PPP2R5A: variants seen among roughly 807,000 people sequenced by gnomAD.
PPP2R5A encodes protein phosphatase 2 regulatory subunit B'alpha, also known as serine/threonine-protein phosphatase 2A 56 kDa regulatory subunit alpha isoform.
Under a neutral mutation model 64.2 loss-of-function variants are expected in PPP2R5A, and 25 were observed. The ratio of observed to expected loss-of-function variants is 0.39; its 90% CI spans 0.28 to 0.54. The LOEUF (loss-of-function observed/expected upper bound fraction) is 0.54, where lower values mean the gene tolerates loss of function less well. Among genes scored for constraint, PPP2R5A ranks in the 20% least tolerant of loss-of-function variants. The pLI is 0.67. For missense variants in PPP2R5A, 425 were observed against 576.3 expected, an observed-to-expected ratio of 0.74 and a Z score of 2.69; for synonymous variants, 198 against 201.2, an observed-to-expected ratio of 0.98 and a Z score of 0.13.
In PPP2R5A at chr1:212,345,719, C is replaced by T. The variant is rs913082358; in HGVS notation, c.574-84C>T. 1.6e-5 allele frequency: 23 copies of T among 1,440,652 alleles called. No individual in the cohort carries two copies. The African/African-American group carries it at 3.4e-4, about 21-fold the overall frequency. 89.2% of individuals were successfully genotyped at this position (1,440,652 alleles called of 1,614,324 possible). ...ACTCTAAAAAATTTTTAAAAGATGTCATGGATAATCTTTAAGATCAAAATT... is the reference window on the plus strand; with the variant it reads ...ACTCTAAAAAATTTTTAAAAGATGTTATGGATAATCTTTAAGATCAAAATT... On this transcript the variant is annotated intron_variant, in intron 4 of 12. Transcript: ENST00000261461.
At position 212,286,058 on chromosome 1, in the gene PPP2R5A, T is replaced by G; in HGVS notation, c.-53T>G. 1.4e-6 allele frequency: 2 copies of G among 1,467,438 alleles called. No individual in the cohort carries two copies. Among genetic ancestry groups the G allele is most frequent in the Non-Finnish European group, 1.8e-6 (2 of 1,112,880 alleles). 90.9% of individuals were successfully genotyped at this position (1,467,438 alleles called of 1,614,324 possible). On this transcript the variant is annotated 5_prime_UTR_variant, in exon 1 of 13. Coordinates refer to ENST00000261461, the MANE Select transcript of PPP2R5A (RefSeq NM_006243.4). ...CGCCTCCTCCTGCCGTCTCCGCCGC[T>G]GCCCGTGCCTTGCAAGCAGCAGCCG...
intron 1 of PPP2R5A, among the ~76,000 whole-genome samples, chr1:212,321,549 G>T (rs1313437845): frequency 6.7e-6 from 1 of 149,556 alleles, no homozygotes; most frequent in Non-Finnish European, 1.5e-5. Flanking sequence ...TCACTTCTCA[G>T]ACGGGGCGGC....
At chr1:212,303,482 T>C (rs1413705395) in intron 1 of PPP2R5A, among the ~76,000 whole-genome samples, 3 of 152,174 alleles carry the variant, frequency 2.0e-5, no homozygotes, top group Non-Finnish European at 4.4e-5. Context: ...GTCCTTGATA[T>C]AAGCCCCTTG....
At chr1:212,333,038 A>G (rs969948841) in intron 2 of PPP2R5A, among the ~76,000 whole-genome samples, 3 of 151,806 alleles carry the variant, frequency 2.0e-5, no homozygotes, top group Non-Finnish European at 4.4e-5. Context: ...AGTAGTTAGG[A>G]CCACAAGTGT....
chr1:212,309,122 C>G (rs1658976194), intron 1 of PPP2R5A: 2 of 1,015,940 alleles, frequency 2.0e-6, no homozygotes, highest in South Asian at 2.5e-5. Context: ...GCCTTCTTCT[C>G]TCCATCAGGC....
chr1:212,347,608 C>T (rs1372162505), intron 6 of PPP2R5A, among the ~76,000 whole-genome samples: 5 of 151,230 alleles, frequency 3.3e-5, no homozygotes, highest in African/African-American at 1.2e-4. Flanking sequence ...GGCGCGTTCT[C>T]GGCTCACTGC....
intron 4 of PPP2R5A, among the ~76,000 whole-genome samples, chr1:212,344,257 A>G (rs558652585): frequency 1.3e-5 from 2 of 152,352 alleles, no homozygotes; most frequent in African/African-American, 4.8e-5. Context: ...TACAGTTGAG[A>G]GCCACTTTGC....
At position 212,342,298 on chromosome 1, in the gene PPP2R5A, C is replaced by G; in HGVS notation, c.573+18C>G. The G allele has an allele frequency of 1.2e-6, 2 of 1,606,990 alleles. No individual in the cohort carries two copies. Among genetic ancestry groups the G allele is most frequent in the Non-Finnish European group, 1.7e-6 (2 of 1,176,724 alleles). ...TACAACAGGTAAGGAACTCTTTTGT[C>G]TTAGATTCTCATATATTCATCTTAG... is the stretch of plus-strand genomic sequence containing the variant. On this transcript the variant is annotated intron_variant, in intron 4 of 12. Transcript: ENST00000261461.
chr1:212,345,053 T>G (rs1659749730), intron 4 of PPP2R5A, among the ~76,000 whole-genome samples: 1 of 151,750 alleles, frequency 6.6e-6, no homozygotes, highest in Non-Finnish European at 1.5e-5. Context: ...TAGTCCCAGC[T>G]AGTTGGGAGG....
intron 4 of PPP2R5A, among the ~76,000 whole-genome samples, chr1:212,344,414 C>T (rs998198245): frequency 1.3e-5 from 2 of 152,166 alleles, no homozygotes; most frequent in Non-Finnish European, 2.9e-5. Context: ...ATAAGTATGG[C>T]AGTTGTTTTG....
At chr1:212,319,825 G>C (rs1169891643) in intron 1 of PPP2R5A, among the ~76,000 whole-genome samples, 1 of 151,404 alleles carries the variant, frequency 6.6e-6, no homozygotes, top group African/African-American at 2.4e-5. Context: ...GTTTCACCAT[G>C]TTGGCCAGGC....
At chr1:212,286,403 G>A (rs948405527) in intron 1 of PPP2R5A, 112 bp downstream of exon 1, 15 of 1,216,812 alleles carry the variant, frequency 1.2e-5, no homozygotes, top group African/African-American at 9.6e-5. Context: ...GGGACTGGTA[G>A]TGTGTGAGCC....
intron 1 of PPP2R5A, among the ~76,000 whole-genome samples, chr1:212,290,648 G>A (rs922884532): frequency 3.9e-5 from 6 of 152,112 alleles, no homozygotes; most frequent in Non-Finnish European, 8.8e-5. Context: ...TTCCTGTTTA[G>A]GATCATCTCT....
intron 2 of PPP2R5A, among the ~76,000 whole-genome samples, chr1:212,330,107 T>A (rs1246145022): frequency 2.6e-5 from 4 of 152,214 alleles, no homozygotes; most frequent in East Asian, 1.9e-4. Context: ...GCCAACTTTA[T>A]TGAAGTAAGG....
intron 1 of PPP2R5A, among the ~76,000 whole-genome samples, chr1:212,314,736 G>C (rs1383809133): frequency 6.7e-6 from 1 of 149,164 alleles, no homozygotes; most frequent in South Asian, 2.1e-4. Flanking sequence ...TTTTTTTTTT[G>C]TATTTTAGTA....
intron 3 of PPP2R5A, among the ~76,000 whole-genome samples, chr1:212,337,448 TC>T (rs1331400837): frequency 1.3e-5 from 2 of 152,092 alleles, no homozygotes; most frequent in African/African-American, 4.8e-5. Flanking sequence ...AGAAGGCTTT[TC>T]TCTCTGGGCA....
chr1:212,321,213 C>G (rs561744415), intron 1 of PPP2R5A, among the ~76,000 whole-genome samples: 2,691 of 145,120 alleles, frequency 0.019, 109 homozygotes, highest in African/African-American at 0.064. Flanking sequence ...ACATCCTTCC[C>G]AGACGGGGCG....
At chr1:212,320,645 CCGCCTCCCTCCCGGA>C (rs1659259154) in intron 1 of PPP2R5A, among the ~76,000 whole-genome samples, 1 of 145,566 alleles carries the variant, frequency 6.9e-6, no homozygotes, top group Non-Finnish European at 1.5e-5. Context: ...GCCTCCCTCC[CCGCCTCCCTCCCGGA>C]TGGGGCGGCT....
intron 5 of PPP2R5A, among the ~76,000 whole-genome samples, chr1:212,346,576 T>A (rs1358879074): frequency 1.3e-5 from 2 of 152,154 alleles, no homozygotes; most frequent in Non-Finnish European, 2.9e-5. Context: ...TTTGTATTTA[T>A]TTTTCAAAAA....
Sources: gnomAD v4.1 joint callset for allele counts (sites outside exome capture counted in the v4.1 genomes callset) on GRCh38, gnomAD v4.1.1 for gene constraint, MANE v1.5 for transcripts, NCBI Gene and HGNC (gene_info 2026-07-23, HGNC 2026-07-21) for gene names.